Variants in TBCK observed in about 807,000 individuals in gnomAD.
TBCK encodes TBC1 domain containing kinase.
A neutral mutation model predicts 113.4 loss-of-function variants in TBCK; 99 were observed. The observed-to-expected ratio is 0.87, with a 90% CI of 0.74 to 1.03. The LOEUF is 1.03. TBCK is among the 50% of genes least tolerant of loss of function. The pLI is 0.00. For missense variants in TBCK, 1,045 were observed against 1,061.3 expected (o/e 0.98, Z 0.21); for synonymous variants, 369 against 370.8 (o/e 1.00, Z 0.05).
At chr4:106,068,108 A>T (rs1736865115) in intron 25 of TBCK, among the ~76,000 whole-genome samples, 1 of 152,144 alleles carries the variant, frequency 6.6e-6, no homozygotes, top group South Asian at 2.1e-4. Context: ...ACACATGAAC[A>T]TGGGATGTCT....
At chr4:106,196,074 GCTTCATAACAGA>G (rs1374899352) in intron 20 of TBCK, among the ~76,000 whole-genome samples, 2 of 151,838 alleles carry the variant, frequency 1.3e-5, no homozygotes, top group Non-Finnish European at 2.9e-5. Flanking sequence ...TTAACAGGAT[GCTTCATAACAGA>G]CTAAAAGTAA....
chr4:106,177,099 A>G (rs1751760767), intron 22 of TBCK, among the ~76,000 whole-genome samples: 1 of 151,890 alleles, frequency 6.6e-6, no homozygotes, highest in African/African-American at 2.4e-5. Flanking sequence ...AGCATCCTGA[A>G]TACTTGGGAC....
chr4:106,313,001 A>G (rs1232207650), intron 1 of TBCK, among the ~76,000 whole-genome samples: 2 of 152,188 alleles, frequency 1.3e-5, no homozygotes, highest in Non-Finnish European at 2.9e-5. Flanking sequence ...TTGTGGTGGT[A>G]GTGGTTTTAT....
At chr4:106,254,218 A>G (rs1761737612) in intron 5 of TBCK, among the ~76,000 whole-genome samples, 1 of 152,206 alleles carries the variant, frequency 6.6e-6, no homozygotes, top group South Asian at 2.1e-4. Context: ...CAAGAACTCA[A>G]GAAGGAAAGC....
chr4:106,123,315 G>A (rs928994045), intron 23 of TBCK, among the ~76,000 whole-genome samples: 5 of 152,118 alleles, frequency 3.3e-5, no homozygotes, highest in African/African-American at 1.2e-4. Context: ...CAACTTACAA[G>A]GCATGTGAAG....
intron 16 of TBCK, 118 bp from the exon 17 acceptor site, chr4:106,233,182 C>G: frequency 1.9e-6 from 2 of 1,030,616 alleles, no homozygotes; most frequent in South Asian, 3.6e-5. Context: ...TCAAAACAGA[C>G]CAACTTCTTA....
At chr4:106,235,139 A>G in intron 15 of TBCK, 130 bp downstream of exon 15, 3 of 518,028 alleles carry the variant, frequency 5.8e-6, no homozygotes, top group Admixed American at 3.9e-5. Context: ...AAATTGCCAA[A>G]TATTCTAATG....
At chr4:106,209,928 A>C (rs1383224148) in intron 20 of TBCK, among the ~76,000 whole-genome samples, 2 of 152,106 alleles carry the variant, frequency 1.3e-5, no homozygotes, top group African/African-American at 4.8e-5. Flanking sequence ...TTCTGCTTTT[A>C]TAAGATTAAA....
intron 1 of TBCK, among the ~76,000 whole-genome samples, chr4:106,315,211 A>T (rs542498497): frequency 6.6e-6 from 1 of 152,266 alleles, no homozygotes; most frequent in East Asian, 1.9e-4. Flanking sequence ...AAATTCATTC[A>T]TTCAACAAAT....
At chr4:106,215,977 C>G (rs1380516085) in intron 19 of TBCK, among the ~76,000 whole-genome samples, 1 of 148,004 alleles carries the variant, frequency 6.8e-6, no homozygotes, top group Non-Finnish European at 1.5e-5. Context: ...TAAAGCTCTC[C>G]TCAGCAAATG....
chr4:106,310,882 T>C (rs566716737), intron 1 of TBCK, among the ~76,000 whole-genome samples: 1 of 149,296 alleles, frequency 6.7e-6, no homozygotes, highest in Non-Finnish European at 1.5e-5. Flanking sequence ...CTAACAAACA[T>C]AGAGAGATTT....
At chr4:106,287,266 T>C (rs369776340) in intron 3 of TBCK, among the ~76,000 whole-genome samples, 1 of 152,160 alleles carries the variant, frequency 6.6e-6, no homozygotes, top group Non-Finnish European at 1.5e-5. Flanking sequence ...TAGTGTATAA[T>C]CCTTTCTTTT....
At chr4:106,170,676 G>A (rs111563785) in intron 23 of TBCK, among the ~76,000 whole-genome samples, 6 of 152,076 alleles carry the variant, frequency 3.9e-5, no homozygotes, top group African/African-American at 1.4e-4. Context: ...ACTGTGTTTA[G>A]TAAGAATGAT....
intron 19 of TBCK, among the ~76,000 whole-genome samples, chr4:106,219,814 C>T (rs893018000): frequency 6.6e-6 from 1 of 152,028 alleles, no homozygotes; most frequent in Admixed American, 6.6e-5. Flanking sequence ...GCTGAGATTA[C>T]AGGTGACAAC....
intron 19 of TBCK, among the ~76,000 whole-genome samples, chr4:106,214,423 C>T (rs533049879): frequency 3.9e-4 from 59 of 151,892 alleles, no homozygotes; most frequent in African/African-American, 9.9e-4. Flanking sequence ...CTCTGAGCTA[C>T]GGGAGGACAT....
intron 2 of TBCK, among the ~76,000 whole-genome samples, chr4:106,298,626 A>G (rs1404423382): frequency 1.3e-5 from 2 of 152,060 alleles, no homozygotes; most frequent in Admixed American, 6.5e-5. Context: ...CAACAAAAAA[A>G]AGAAGACGAA....
intron 1 of TBCK, among the ~76,000 whole-genome samples, chr4:106,312,723 C>T (rs1279914802): frequency 6.6e-6 from 1 of 151,998 alleles, no homozygotes; most frequent in African/African-American, 2.4e-5. Flanking sequence ...AATCAATTAA[C>T]ATATTTGTAC....
intron 5 of TBCK, 47 bp downstream of exon 5, chr4:106,260,390 T>C: frequency 2.7e-6 from 2 of 751,722 alleles, no homozygotes; most frequent in Non-Finnish European, 4.0e-6. Context: ...TTATCAAAGA[T>C]TACAAAGTTA....
rs536908766 is a variant in TBCK, at chr4:106,248,909, T to C, written c.720+12A>G. 2 of 1,596,558 alleles carry C rather than the reference T, an allele frequency of 1.3e-6. No homozygotes were observed. The highest frequency in any genetic ancestry group is 1.4e-5 in the African/African-American group (1 of 73,870). On this transcript the variant is annotated intron_variant, in intron 8 of 25. Coordinates refer to ENST00000394708, the MANE Select transcript of TBCK (RefSeq NM_001163435.3). ...CAGCACAAATGGACTAAGACCCAGATTAATGACAAACCTTTATAATGTCCA... is the reference window on the plus strand; with the variant it reads ...CAGCACAAATGGACTAAGACCCAGACTAATGACAAACCTTTATAATGTCCA...
Sources: allele counts gnomAD v4.1 joint callset (sites outside exome capture counted in the v4.1 genomes callset), GRCh38; gene constraint gnomAD v4.1.1; transcripts MANE v1.5; gene names NCBI Gene and HGNC (gene_info 2026-07-23, HGNC 2026-07-21).